C12orf42: variants seen among roughly 807,000 people sequenced by gnomAD.
The protein encoded by C12orf42 is uncharacterized protein C12orf42.
A neutral mutation model predicts 21.6 loss-of-function variants in C12orf42; 25 were observed. The ratio of observed to expected loss-of-function variants is 1.16; its 90% CI spans 0.84 to 1.62. C12orf42 has a LOEUF of 1.62. Ranked by LOEUF, C12orf42 falls within the 40% of genes most tolerant of loss-of-function variation. The pLI is 0.00. For missense variants in C12orf42, 483 were observed against 459.3 expected, an observed-to-expected ratio of 1.05 and a Z score of -0.47; for synonymous variants, 174 against 175.0, an observed-to-expected ratio of 0.99 and a Z score of 0.05.
At chr12:103,127,000 T>A in the C12orf42 span, among the ~76,000 whole-genome samples, 1 of 152,330 alleles carries the variant, frequency 6.6e-6, no homozygotes, top group South Asian at 2.1e-4. Flanking sequence ...AAAATTCAAA[T>A]GTGTAACTTG....
the C12orf42 span, among the ~76,000 whole-genome samples, chr12:103,077,828 T>C: frequency 6.6e-6 from 1 of 152,170 alleles, no homozygotes; most frequent in East Asian, 1.9e-4. Flanking sequence ...ATCCCCAAAG[T>C]CAGTGTTAGG....
chr12:103,064,742 T>C, the C12orf42 span, among the ~76,000 whole-genome samples: 3 of 151,830 alleles, frequency 2.0e-5, no homozygotes, highest in Non-Finnish European at 4.4e-5. Flanking sequence ...GGTAACTGTA[T>C]TGGGGAAAGG....
chr12:103,525,608 C>T, the C12orf42 span, among the ~76,000 whole-genome samples: 3 of 151,916 alleles, frequency 2.0e-5, no homozygotes, highest in African/African-American at 7.3e-5. Flanking sequence ...ATTGTAGTAA[C>T]CCCATTAGCA....
At chr12:103,372,966 G>T (rs1015385006) in intron 3 of C12orf42, among the ~76,000 whole-genome samples, 27 of 152,126 alleles carry the variant, frequency 1.8e-4, no homozygotes, top group Non-Finnish European at 7.4e-5. Context: ...GAAAAAGAAT[G>T]AATGAAGACA....
the C12orf42 span, among the ~76,000 whole-genome samples, chr12:103,112,596 G>A: frequency 1.3e-5 from 2 of 152,174 alleles, no homozygotes; most frequent in African/African-American, 4.8e-5. Context: ...AGGAGGCAGA[G>A]GTTGCAGTGA....
chr12:103,562,966 A>G, the C12orf42 span, among the ~76,000 whole-genome samples: 1 of 152,346 alleles, frequency 6.6e-6, no homozygotes, highest in East Asian at 1.9e-4. Context: ...CCTTCTGTGA[A>G]GCTACTTAAA....
At chr12:103,493,737 A>T (rs1198885074) in intron 1 of C12orf42, among the ~76,000 whole-genome samples, 2 of 151,950 alleles carry the variant, frequency 1.3e-5, no homozygotes, top group East Asian at 3.9e-4. Flanking sequence ...AAAAAAAAAA[A>T]AACCTTAGAG....
the C12orf42 span, among the ~76,000 whole-genome samples, chr12:103,154,556 A>C: frequency 2.6e-5 from 4 of 152,174 alleles, 1 homozygote; most frequent in Non-Finnish European, 5.9e-5. Context: ...TCAAAGGAAG[A>C]AATATCAGTA....
At chr12:103,287,898 C>G (rs1296368324) in intron 4 of C12orf42, among the ~76,000 whole-genome samples, 1 of 152,052 alleles carries the variant, frequency 6.6e-6, no homozygotes, top group African/African-American at 2.4e-5. Context: ...AAGCCCGGAG[C>G]TGGAGCAAAG....
the C12orf42 span, among the ~76,000 whole-genome samples, chr12:103,155,822 G>GATATGTGTGTATATATACATATATACAT: frequency 5.2e-4 from 78 of 150,076 alleles, no homozygotes; most frequent in African/African-American, 1.8e-3. Flanking sequence ...TGTATATATA[G>GATATGTGTGTATATATACATATATACAT]ATATGTGTGT....
chr12:103,322,274 C>G (rs1423087190), intron 4 of C12orf42, among the ~76,000 whole-genome samples: 1 of 152,072 alleles, frequency 6.6e-6, no homozygotes, highest in Non-Finnish European at 1.5e-5. Context: ...AAGGTGATAC[C>G]CTACCCCCAT....
At chr12:103,208,875 G>T in the C12orf42 span, among the ~76,000 whole-genome samples, 1 of 152,236 alleles carries the variant, frequency 6.6e-6, no homozygotes, top group African/African-American at 2.4e-5. Flanking sequence ...AAAGCCCTCA[G>T]CTCTTAAAGT....
At chr12:103,548,127 A>C in the C12orf42 span, among the ~76,000 whole-genome samples, 1 of 152,220 alleles carries the variant, frequency 6.6e-6, no homozygotes, top group African/African-American at 2.4e-5. Flanking sequence ...GTCTGTGGTC[A>C]CACCAGGTAA....
chr12:103,494,004 G>T (rs1041558039), intron 1 of C12orf42, among the ~76,000 whole-genome samples: 1 of 152,148 alleles, frequency 6.6e-6, no homozygotes, highest in Non-Finnish European at 1.5e-5. Context: ...GGCTCAAAAT[G>T]AGTTAGAAGT....
chr12:103,484,219 T>A (rs1247812449), intron 1 of C12orf42, among the ~76,000 whole-genome samples: 2 of 152,228 alleles, frequency 1.3e-5, no homozygotes, highest in African/African-American at 2.4e-5. Context: ...TAGTTTTAGA[T>A]CCTTGAGGAA....
the C12orf42 span, among the ~76,000 whole-genome samples, chr12:103,049,319 T>C: frequency 6.6e-6 from 1 of 152,192 alleles, no homozygotes; most frequent in Non-Finnish European, 1.5e-5. Context: ...GATGTTTGAA[T>C]CTTCTTTTCC....
chr12:103,149,321 G>T, the C12orf42 span, among the ~76,000 whole-genome samples: 4 of 152,148 alleles, frequency 2.6e-5, no homozygotes, highest in Non-Finnish European at 5.9e-5. Flanking sequence ...GCCCCAAGAG[G>T]TTCTACCACT....
At chr12:103,207,437 C>A in the C12orf42 span, among the ~76,000 whole-genome samples, 1 of 152,194 alleles carries the variant, frequency 6.6e-6, no homozygotes, top group Non-Finnish European at 1.5e-5. Context: ...GTTTAAAATG[C>A]GTGCGCACAC....
chr12:103,324,388 T>G lies in C12orf42; in HGVS notation c.260-18043A>C, dbSNP rs150520219. Among the ~76,000 whole-genome samples the G allele has an allele frequency of 5.6e-3, 857 of 152,268 alleles. 8 individuals are homozygous for G. Among genetic ancestry groups the G allele is most frequent in the African/African-American group, 0.019 (792 of 41,556 alleles). On this transcript the variant is annotated intron_variant, in intron 4 of 5. Transcript: ENST00000548883. ...AGATATTAATTAATAACTTATTAAG[T>G]CTCCGACTCACCCAAAAAAATTAGT...
Sources: gnomAD v4.1 joint callset for allele counts (sites outside exome capture counted in the v4.1 genomes callset) on GRCh38, gnomAD v4.1.1 for gene constraint, MANE v1.5 for transcripts, NCBI Gene and HGNC (gene_info 2026-07-23, HGNC 2026-07-21) for gene names.